NEGR1: variants seen among roughly 807,000 people sequenced by gnomAD.
The protein encoded by NEGR1 is neuronal growth regulator 1.
Under a neutral mutation model 40.9 loss-of-function variants are expected in NEGR1, and 10 were observed. The ratio of observed to expected loss-of-function variants is 0.24; its 90% confidence interval spans 0.15 to 0.42. The LOEUF (loss-of-function observed/expected upper bound fraction) is 0.42. Among genes scored for constraint, NEGR1 ranks in the 10% least tolerant of loss-of-function variants. The pLI is 1.00. For synonymous variants in NEGR1, 185 were observed against 166.8 expected (o/e 1.11, Z -0.84); for missense variants, 352 against 438.9 (o/e 0.80, Z 1.77).
At chr1:71,625,119 C>T (rs1378503718) in intron 4 of NEGR1, among the ~76,000 whole-genome samples, 1 of 151,960 alleles carries the variant, frequency 6.6e-6, no homozygotes, top group South Asian at 2.1e-4. Flanking sequence ...TTTCATTCAC[C>T]TTTGCTGAGT....
At chr1:71,503,422 A>T (rs1015876778) in intron 6 of NEGR1, among the ~76,000 whole-genome samples, 1 of 152,110 alleles carries the variant, frequency 6.6e-6, no homozygotes, top group Non-Finnish European at 1.5e-5. Context: ...CCCTCCATAC[A>T]TCTCACAAAA....
At chr1:71,897,534 CAAAT>C (rs1198290937) in intron 2 of NEGR1, among the ~76,000 whole-genome samples, 1 of 151,960 alleles carries the variant, frequency 6.6e-6, no homozygotes, top group Non-Finnish European at 1.5e-5. Flanking sequence ...GGGCTTGTGA[CAAAT>C]GAAATTGTAA....
chr1:72,277,963 T>A (rs1438570654), intron 1 of NEGR1, among the ~76,000 whole-genome samples: 8 of 152,246 alleles, frequency 5.3e-5, no homozygotes, highest in South Asian at 4.1e-4. Context: ...ACTAACAGCA[T>A]GCATTTCAAA....
At chr1:71,854,063 TA>T (rs1469933664) in intron 2 of NEGR1, among the ~76,000 whole-genome samples, 1 of 152,124 alleles carries the variant, frequency 6.6e-6, no homozygotes, top group Non-Finnish European at 1.5e-5. Flanking sequence ...CATGTTGCAT[TA>T]AAAAAGTTAA....
In NEGR1 at chr1:71,898,854, T is replaced by C. The variant is rs1202337714; in HGVS notation, c.409+36225A>G. Among the ~76,000 whole-genome samples the C allele has an allele frequency of 2.1e-5, 3 of 144,274 alleles. No homozygotes were observed. In the South Asian group the frequency reaches 6.5e-4, roughly 31 times the overall value. 94.6% of individuals were successfully genotyped at this position (144,274 alleles called of 152,430 possible). A position where few individuals can be genotyped will look rare whatever the true frequency, so the allele number is the denominator to read the frequency against. Reference sequence around the variant, plus strand: ...TAAAAGAAAAAAGAGCAAATATATATAATATATTGCAAATATATATATTGC... The same window carrying C: ...TAAAAGAAAAAAGAGCAAATATATACAATATATTGCAAATATATATATTGC... On this transcript the variant is annotated intron_variant, in intron 2 of 6. Transcript: ENST00000357731.
intron 1 of NEGR1, among the ~76,000 whole-genome samples, chr1:72,220,415 C>T (rs115533964): frequency 0.019 from 2,886 of 152,002 alleles, 45 homozygotes; most frequent in South Asian, 0.042. Flanking sequence ...CCTCCCTGTC[C>T]TCTCCTCTTC....
chr1:71,575,967 G>C (rs1299956795), intron 6 of NEGR1, among the ~76,000 whole-genome samples: 2 of 152,168 alleles, frequency 1.3e-5, no homozygotes, highest in Non-Finnish European at 2.9e-5. Context: ...CCTTTAAAGA[G>C]AGTTCTGTGT....
chr1:71,906,421 AAAAT>A (rs1376467666), intron 2 of NEGR1, among the ~76,000 whole-genome samples: 3 of 151,684 alleles, frequency 2.0e-5, no homozygotes, highest in African/African-American at 4.8e-5. Flanking sequence ...TTTAAAAAAT[AAAAT>A]AAATAAAAAT....
At chr1:71,797,491 CTT>C (rs1557655946) in intron 2 of NEGR1, among the ~76,000 whole-genome samples, 1 of 152,130 alleles carries the variant, frequency 6.6e-6, no homozygotes, top group Non-Finnish European at 1.5e-5. Context: ...GAACAAGTGA[CTT>C]AAATTTTATG....
At chr1:72,070,372 G>T (rs1282826410) in intron 1 of NEGR1, among the ~76,000 whole-genome samples, 2 of 151,864 alleles carry the variant, frequency 1.3e-5, no homozygotes, top group Admixed American at 6.6e-5. Flanking sequence ...CCCCTAAAGA[G>T]TCGTAGGAGT....
chr1:71,859,099 C>T (rs1659866292), intron 2 of NEGR1, among the ~76,000 whole-genome samples: 1 of 152,084 alleles, frequency 6.6e-6, no homozygotes, highest in Admixed American at 6.6e-5. Context: ...CCCCAATTCA[C>T]TTAGAATACA....
chr1:71,860,884 T>C (rs1447972003), intron 2 of NEGR1, among the ~76,000 whole-genome samples: 3 of 151,946 alleles, frequency 2.0e-5, no homozygotes, highest in Admixed American at 2.0e-4. Flanking sequence ...AAATTGGAGT[T>C]TATTTTTATA....
chr1:71,717,465 T>G (rs1451096924), intron 3 of NEGR1, among the ~76,000 whole-genome samples: 2 of 152,228 alleles, frequency 1.3e-5, no homozygotes, highest in East Asian at 3.9e-4. Flanking sequence ...GCCCAGTGCC[T>G]ATATAGATCT....
At chr1:71,569,312 T>C (rs1246332306) in intron 6 of NEGR1, among the ~76,000 whole-genome samples, 1 of 151,894 alleles carries the variant, frequency 6.6e-6, no homozygotes, top group Non-Finnish European at 1.5e-5. Context: ...TCACTTCACA[T>C]GAGAAAGGAA....
At chr1:72,098,930 CTTTT>C (rs1252990466) in intron 1 of NEGR1, among the ~76,000 whole-genome samples, 10 of 151,964 alleles carry the variant, frequency 6.6e-5, no homozygotes, top group African/African-American at 2.4e-4. Flanking sequence ...CTAAAATAAA[CTTTT>C]GAGTATGATT....
intron 1 of NEGR1, among the ~76,000 whole-genome samples, chr1:71,986,317 G>A (rs1646393539): frequency 6.6e-6 from 1 of 152,182 alleles, no homozygotes; most frequent in South Asian, 2.1e-4. Context: ...AGTGCATTAT[G>A]AGACTTTAAA....
intron 3 of NEGR1, among the ~76,000 whole-genome samples, chr1:71,701,014 A>C (rs1653673272): frequency 6.6e-6 from 1 of 152,016 alleles, no homozygotes; most frequent in African/African-American, 2.4e-5. Context: ...AATGTCCCTC[A>C]GCTGACAAAA....
At chr1:72,031,848 A>G (rs1412607904) in intron 1 of NEGR1, among the ~76,000 whole-genome samples, 1 of 152,158 alleles carries the variant, frequency 6.6e-6, no homozygotes, top group African/African-American at 2.4e-5. Context: ...ATGATGTGAT[A>G]CATTCTGTAC....
At chr1:71,559,022 T>C (rs1262631404) in intron 6 of NEGR1, among the ~76,000 whole-genome samples, 1 of 111,768 alleles carries the variant, frequency 8.9e-6, no homozygotes, top group Admixed American at 1.0e-4. Context: ...TGTGTGTGTA[T>C]ATATATATAT....
Sources: allele counts gnomAD v4.1 joint callset (sites outside exome capture counted in the v4.1 genomes callset), GRCh38; gene constraint gnomAD v4.1.1; transcripts MANE v1.5; gene names NCBI Gene and HGNC (gene_info 2026-07-23, HGNC 2026-07-21).